Variants in SGCZ observed in about 807,000 individuals in gnomAD.
SGCZ encodes zeta-sarcoglycan.
Under a neutral mutation model 41.3 loss-of-function variants are expected in SGCZ, and 40 were observed. That is an observed-to-expected ratio of 0.97 (90% CI 0.75 to 1.26). SGCZ has a LOEUF of 1.26. Among genes scored for constraint, SGCZ ranks in the 50% most tolerant of loss-of-function variants. SGCZ has a pLI of 0.00. For synonymous variants in SGCZ, 206 were observed against 137.5 expected (o/e 1.50, Z -3.49); for missense variants, 552 against 369.8 (o/e 1.49, Z -4.04).
chr8:15,039,401 T>TA (rs1803993298), intron 1 of SGCZ, among the ~76,000 whole-genome samples: 2 of 152,180 alleles, frequency 1.3e-5, no homozygotes, highest in African/African-American at 4.8e-5. Flanking sequence ...TGATATTACT[T>TA]ACATGTGGCA....
intron 2 of SGCZ, among the ~76,000 whole-genome samples, chr8:14,333,437 G>C (rs147695283): frequency 6.6e-6 from 1 of 151,962 alleles, no homozygotes; most frequent in African/African-American, 2.4e-5. Flanking sequence ...CTTTTAACAA[G>C]GCAATAAAGA....
At chr8:14,633,511 G>C (rs946157807) in intron 1 of SGCZ, among the ~76,000 whole-genome samples, 3 of 151,424 alleles carry the variant, frequency 2.0e-5, no homozygotes, top group Non-Finnish European at 2.9e-5. Flanking sequence ...TTATTTATTA[G>C]CAAGCATTCC....
intron 1 of SGCZ, among the ~76,000 whole-genome samples, chr8:14,598,190 T>A (rs28758487): frequency 0.31 from 46,821 of 152,072 alleles, 8,542 homozygotes; most frequent in Admixed American, 0.4. Context: ...GGTAATTTTA[T>A]AATTTTTATT....
At chr8:14,488,389 CCT>C (rs1177018404) in intron 2 of SGCZ, among the ~76,000 whole-genome samples, 1 of 136,608 alleles carries the variant, frequency 7.3e-6, no homozygotes, top group Non-Finnish European at 1.6e-5. Context: ...ACCACAATGG[CCT>C]TAACTCCCCT....
At chr8:14,198,655 T>G (rs1805356161) in intron 4 of SGCZ, among the ~76,000 whole-genome samples, 1 of 152,260 alleles carries the variant, frequency 6.6e-6, no homozygotes, top group Middle Eastern at 3.4e-3. Flanking sequence ...ACCTAGTTGT[T>G]ATAAAATTGT....
intron 1 of SGCZ, among the ~76,000 whole-genome samples, chr8:14,674,477 GTATAGC>G (rs1808207977): frequency 6.6e-6 from 1 of 152,118 alleles, no homozygotes; most frequent in South Asian, 2.1e-4. Flanking sequence ...GTTCCTGATA[GTATAGC>G]TATAAATATG....
At chr8:15,231,286 T>C (rs992398869) in intron 1 of SGCZ, among the ~76,000 whole-genome samples, 34 of 152,218 alleles carry the variant, frequency 2.2e-4, no homozygotes, top group Admixed American at 1.3e-4. Flanking sequence ...ACACTCTAGA[T>C]AACCTATTTA....
At chr8:14,581,476 A>G (rs535740895) in intron 1 of SGCZ, among the ~76,000 whole-genome samples, 1 of 151,664 alleles carries the variant, frequency 6.6e-6, no homozygotes, top group Non-Finnish European at 1.5e-5. Flanking sequence ...ACAGTGCTCA[A>G]TGTGCATTAT....
intron 1 of SGCZ, among the ~76,000 whole-genome samples, chr8:15,224,676 C>T (rs1216425276): frequency 6.6e-6 from 1 of 152,090 alleles, no homozygotes; most frequent in African/African-American, 2.4e-5. Context: ...CTATATGCTG[C>T]TTTCCAGATG....
Position 14,695,364 on chromosome 8 carries a change from T to C in SGCZ, c.40-140438A>G, listed in dbSNP as rs573815826. On this transcript the variant is annotated intron_variant, in intron 1 of 7. Coordinates refer to ENST00000382080, the MANE Select transcript of SGCZ (RefSeq NM_139167.4). ...TATGTATTGCAACTAATTAAAGCAG[T>C]AAAAGAAGTAATATTAAATGCATGT... Among the ~76,000 whole-genome samples, 7 of 152,174 alleles carry C rather than the reference T, an allele frequency of 4.6e-5. No homozygotes were observed. The South Asian group carries it at 1.4e-3, about 32-fold the overall frequency.
intron 1 of SGCZ, among the ~76,000 whole-genome samples, chr8:14,806,663 C>G (rs1585277469): frequency 6.6e-6 from 1 of 152,186 alleles, no homozygotes; most frequent in East Asian, 1.9e-4. Context: ...CAAGGAGGAA[C>G]TGGTACCATT....
At chr8:14,955,562 T>C (rs772910462) in intron 1 of SGCZ, among the ~76,000 whole-genome samples, 1 of 152,226 alleles carries the variant, frequency 6.6e-6, no homozygotes. Context: ...TACCGATACA[T>C]GGTGTTCTCA....
chr8:14,702,248 G>A (rs1231459911), intron 1 of SGCZ, among the ~76,000 whole-genome samples: 4 of 151,696 alleles, frequency 2.6e-5, no homozygotes, highest in African/African-American at 9.7e-5. Flanking sequence ...TCTCTTTCCT[G>A]GTTTTCCTCC....
chr8:15,084,922 C>A (rs987749012), intron 1 of SGCZ, among the ~76,000 whole-genome samples: 2 of 152,114 alleles, frequency 1.3e-5, no homozygotes, highest in Admixed American at 1.3e-4. Context: ...ACACCAAATG[C>A]CTCCCCTCTT....
intron 1 of SGCZ, among the ~76,000 whole-genome samples, chr8:14,974,244 A>AT (rs1205136238): frequency 6.6e-6 from 1 of 152,206 alleles, no homozygotes; most frequent in Non-Finnish European, 1.5e-5. Context: ...GTATGTTGTA[A>AT]TTTAAGTTCT....
chr8:14,685,102 A>AC (rs5889545), intron 1 of SGCZ, among the ~76,000 whole-genome samples: 151,776 of 152,208 alleles, frequency 1, 75,674 homozygotes, highest in Middle Eastern at 1. Flanking sequence ...AATTATTTAA[A>AC]CACATTAATT....
intron 1 of SGCZ, among the ~76,000 whole-genome samples, chr8:14,857,423 C>T (rs890104196): frequency 4.6e-5 from 7 of 152,104 alleles, no homozygotes; most frequent in African/African-American, 1.7e-4. Context: ...TTTGCATTTT[C>T]CCAATACTCT....
At chr8:14,654,953 A>C (rs1203733461) in intron 1 of SGCZ, among the ~76,000 whole-genome samples, 2 of 151,990 alleles carry the variant, frequency 1.3e-5, no homozygotes, top group Non-Finnish European at 2.9e-5. Flanking sequence ...GCAGGAAGCC[A>C]CTGCACTGGC....
intron 1 of SGCZ, among the ~76,000 whole-genome samples, chr8:14,946,633 A>C (rs1384411410): frequency 1.3e-5 from 2 of 150,866 alleles, no homozygotes; most frequent in Non-Finnish European, 2.9e-5. Context: ...CAGGATTGGC[A>C]CTGCTTCATA....
Sources: gnomAD v4.1 joint callset for allele counts (sites outside exome capture counted in the v4.1 genomes callset) on GRCh38, gnomAD v4.1.1 for gene constraint, MANE v1.5 for transcripts, NCBI Gene and HGNC (gene_info 2026-07-23, HGNC 2026-07-21) for gene names.